The following KAT6A variants were observed in gnomAD, a reference collection of about 807,000 sequenced individuals.
KAT6A encodes lysine acetyltransferase 6A.
A neutral mutation model predicts 198.4 loss-of-function variants in KAT6A; 9 were observed. That is an observed-to-expected ratio of 0.05 (90% confidence interval 0.03 to 0.08). The LOEUF (loss-of-function observed/expected upper bound fraction) is 0.08. KAT6A is among the 10% of genes least tolerant of loss of function. The pLI is 1.00. For synonymous variants in KAT6A, 890 were observed against 883.0 expected (o/e 1.01, Z -0.14); for missense variants, 2,077 against 2,509.9 (o/e 0.83, Z 3.69).
intron 2 of KAT6A, among the ~76,000 whole-genome samples, chr8:41,989,977 C>T (rs1824846516): frequency 2.0e-5 from 3 of 152,096 alleles, no homozygotes; most frequent in African/African-American, 4.8e-5. Flanking sequence ...CACATCCTTT[C>T]CTCAAAAAGG....
At position 41,933,350 on chromosome 8, in the gene KAT6A, C is replaced by G. The variant is rs144720569; in HGVS notation, c.4870G>C (p.Val1624Leu). ...ATGCTGCAGTTGGCAGCAGGCTGGA[C>G]GCTGCTCTGCTGCATCATGCTGCAG... ...SSCSMMQQSSVQPAANCSIKS... is the reference protein window; with the variant it reads ...SSCSMMQQSSLQPAANCSIKS... The change falls in exon 17 of 17, where the codon GTC (valine) becomes CTC (leucine). Residue 1624 changes from valine (V) to leucine (L), a missense_variant. This residue lies in a region of KAT6A where 500 missense variants were observed against 577.2 expected (regional missense o/e 0.87). Coordinates refer to ENST00000265713, the MANE Select transcript of KAT6A (RefSeq NM_006766.5). The surrounding 1 kb of genome is among the most constrained non-coding windows in gnomAD (Gnocchi z 6.2). The G allele has an allele frequency of 5.1e-6, 8 of 1,583,526 alleles. No individual in the cohort carries two copies. The highest frequency in any genetic ancestry group is 6.9e-6 in the Non-Finnish European group (8 of 1,167,480).
intron 8 of KAT6A, among the ~76,000 whole-genome samples, chr8:41,972,175 T>C (rs992336690): frequency 4.0e-5 from 6 of 150,816 alleles, no homozygotes; most frequent in Non-Finnish European, 8.8e-5. Flanking sequence ...AATCTATGAG[T>C]TTAAACAAAA....
At chr8:41,994,339 G>A in intron 2 of KAT6A, among the ~76,000 whole-genome samples, 1 of 152,152 alleles carries the variant, frequency 6.6e-6, no homozygotes, top group East Asian at 1.9e-4. Flanking sequence ...ACAAGGTACT[G>A]TGTGATCTGT....
At chr8:41,959,161 A>G (rs1409126665) in intron 8 of KAT6A, among the ~76,000 whole-genome samples, 852 of 23,562 alleles carry the variant, frequency 0.036, 11 homozygotes, top group African/African-American at 0.25. Flanking sequence ...ACTGTCTCGA[A>G]AAAAAAAAAA....
At chr8:41,954,660 C>A (rs377244453) in intron 9 of KAT6A, among the ~76,000 whole-genome samples, 1 of 152,158 alleles carries the variant, frequency 6.6e-6, no homozygotes, top group Non-Finnish European at 1.5e-5. Flanking sequence ...AATATCCCCA[C>A]GAAGTAAGTA....
At chr8:41,957,095 C>T (rs772904933) in intron 8 of KAT6A, 9 of 604,090 alleles carry the variant, frequency 1.5e-5, no homozygotes, top group East Asian at 3.5e-5. Context: ...ATCAGCTGCC[C>T]GCTGCTCTTC....
intron 2 of KAT6A, among the ~76,000 whole-genome samples, chr8:42,026,797 C>G (rs1005778701): frequency 6.6e-6 from 1 of 152,046 alleles, no homozygotes; most frequent in Non-Finnish European, 1.5e-5. Flanking sequence ...ATTTCCAGTA[C>G]TACGCTGAAT....
intron 8 of KAT6A, among the ~76,000 whole-genome samples, chr8:41,970,641 A>G (rs1396359170): frequency 6.6e-6 from 1 of 152,158 alleles, no homozygotes; most frequent in African/African-American, 2.4e-5. Context: ...AAACTAGTTC[A>G]AGAATCATGG....
chr8:42,037,108 TAAAA>T (rs1040393494), intron 2 of KAT6A, among the ~76,000 whole-genome samples: 2 of 151,908 alleles, frequency 1.3e-5, no homozygotes, highest in African/African-American at 4.8e-5. Flanking sequence ...AAATAAAAAA[TAAAA>T]AAAACTGAAA....
chr8:41,936,584 G>A (rs1185888538), intron 16 of KAT6A, among the ~76,000 whole-genome samples: 1 of 152,206 alleles, frequency 6.6e-6, no homozygotes, highest in Admixed American at 6.5e-5. Context: ...ATATATATGA[G>A]ACCTAGTTTC....
At position 41,932,116 on chromosome 8, in the gene KAT6A, G is replaced by A; in HGVS notation, c.*89C>T. On this transcript the variant is annotated 3_prime_UTR_variant, in exon 17 of 17. Transcript: ENST00000265713. Reference sequence around the variant, plus strand: ...CTAAATCTACAGCAATATTTTAACTGGAAAAAGGTCCATTTTTCTCTGGTT... The same window carrying A: ...CTAAATCTACAGCAATATTTTAACTAGAAAAAGGTCCATTTTTCTCTGGTT... The A allele has an allele frequency of 8.3e-7, 1 of 1,200,166 alleles. No individual in the cohort carries two copies. Among genetic ancestry groups the A allele is most frequent in the Non-Finnish European group, 1.1e-6 (1 of 928,938 alleles). The allele number at this position is 1,200,166 out of a possible 1,614,324, so 74.3% of individuals were successfully genotyped here.
At chr8:41,951,298 T>C (rs1822658418) in intron 9 of KAT6A, among the ~76,000 whole-genome samples, 1 of 152,114 alleles carries the variant, frequency 6.6e-6, no homozygotes, top group Non-Finnish European at 1.5e-5. Flanking sequence ...CCTTACTTTA[T>C]TAGAACCAAG....
At chr8:41,972,641 TA>T (rs1823853922) in intron 8 of KAT6A, among the ~76,000 whole-genome samples, 1 of 152,138 alleles carries the variant, frequency 6.6e-6, no homozygotes, top group Admixed American at 6.5e-5. Flanking sequence ...TCATGAAAGA[TA>T]AAGACTGAGG....
chr8:41,932,372 G>A lies in KAT6A; in HGVS notation c.5848C>T (p.Pro1950Ser). The part of the protein sequence containing the change: ...PAYMNQTAQY[P>S]MQMQMGMMGS... Reference sequence around the variant, plus strand: ...ATCATTCCCATCTGCATCTGCATAGGATACTGTGCTGTCTGGTTCATGTAG... The same window carrying A: ...ATCATTCCCATCTGCATCTGCATAGAATACTGTGCTGTCTGGTTCATGTAG... The change falls in exon 17 of 17, where the codon CCT (proline) becomes TCT (serine). Residue 1950 changes from proline (P) to serine (S), a missense_variant. By Grantham distance (74) the Pro-to-Ser change is moderately conservative. This residue lies in a region of KAT6A where 500 missense variants were observed against 577.2 expected (regional missense o/e 0.87). Transcript: ENST00000265713. 1.2e-6 allele frequency: 2 copies of A among 1,614,196 alleles called. No individual in the cohort carries two copies. The highest frequency in any genetic ancestry group is 8.5e-7 in the Non-Finnish European group (1 of 1,180,018).
chr8:41,934,352 G>C lies in KAT6A; in HGVS notation c.3868C>G (p.Gln1290Glu). ...GGCTCTGGCTCCTCTAATTCCTGCTGCTCCTCCTCTGACTGCCTCTGCTCC... is the reference window on the plus strand; with the variant it reads ...GGCTCTGGCTCCTCTAATTCCTGCTCCTCCTCCTCTGACTGCCTCTGCTCC... ...SEEQRQSEEE[Q>E]QELEEPEPEE... The change falls in exon 17 of 17, where the codon CAG (glutamine) becomes GAG (glutamate). Residue 1290 changes from glutamine to glutamate, a missense_variant. Around this residue, in one of 13 missense-constraint regions of KAT6A, gnomAD observed 375 missense variants for 383.0 expected, o/e 0.98. Transcript: ENST00000265713. 1 of 1,613,896 alleles carries C rather than the reference G, an allele frequency of 6.2e-7. No individual in the cohort carries two copies. Among genetic ancestry groups the C allele is most frequent in the Non-Finnish European group, 8.5e-7 (1 of 1,179,986 alleles).
chr8:42,022,380 T>TA (rs11306564), intron 2 of KAT6A, among the ~76,000 whole-genome samples: 5 of 150,870 alleles, frequency 3.3e-5, no homozygotes, highest in South Asian at 2.1e-4. Context: ...AGTAACAGTT[T>TA]AAAAAAAAAA....
chr8:42,001,705 T>C (rs1260855448), intron 2 of KAT6A, among the ~76,000 whole-genome samples: 1 of 152,188 alleles, frequency 6.6e-6, no homozygotes, highest in Non-Finnish European at 1.5e-5. Context: ...AGAAGTAAGC[T>C]TAACAATGCA....
intron 4 of KAT6A, 66 bp from the exon 5 acceptor site, chr8:41,980,993 C>G: frequency 1.9e-6 from 2 of 1,069,148 alleles, no homozygotes; most frequent in Non-Finnish European, 2.9e-6. Context: ...ACGATCATGA[C>G]TGCATAAAAC....
intron 1 of KAT6A, 74 bp downstream of exon 1, chr8:42,051,827 G>A (rs1036007337): frequency 2.0e-5 from 3 of 148,852 alleles, no homozygotes; most frequent in Non-Finnish European, 4.5e-5. Context: ...CGAGGCAGCG[G>A]AGTGGGCCCT....
Sources: gnomAD v4.1 joint callset for allele counts (sites outside exome capture counted in the v4.1 genomes callset) on GRCh38, gnomAD v4.1.1 for gene constraint, gnomAD v4.1.1 regional missense constraint, Gnocchi (gnomAD v3.1) non-coding constraint, MANE v1.5 for transcripts, NCBI Gene and HGNC (gene_info 2026-07-23, HGNC 2026-07-21) for gene names.